Variants in FRMD3 observed in about 807,000 individuals in gnomAD.
The protein encoded by FRMD3 is FERM domain-containing protein 3.
FRMD3 carries 33 observed loss-of-function variants against 70.2 expected under a neutral mutation model. The observed-to-expected ratio is 0.47, with a 90% CI of 0.36 to 0.63. FRMD3 has a LOEUF of 0.63. Among genes scored for constraint, FRMD3 ranks in the 20% least tolerant of loss-of-function variants. The probability of loss-of-function intolerance (pLI) is 0.00; values close to 1 mark genes in which losing one functional copy is unlikely to be tolerated. For missense variants in FRMD3, 632 were observed against 711.4 expected (o/e 0.89, Z 1.27); for synonymous variants, 279 against 255.9 (o/e 1.09, Z -0.86).
chr9:83,269,644 G>A (rs562282426), intron 13 of FRMD3, among the ~76,000 whole-genome samples: 20 of 151,240 alleles, frequency 1.3e-4, no homozygotes, highest in Non-Finnish European at 2.4e-4. Flanking sequence ...GGGAGGCGGA[G>A]GTTGCAGCAA....
intron 3 of FRMD3, among the ~76,000 whole-genome samples, chr9:83,357,246 C>CATGGAATAT (rs1564032598): frequency 1.6e-4 from 1 of 6,314 alleles, no homozygotes; most frequent in Non-Finnish European, 2.4e-4. Context: ...ATAATACATA[C>CATGGAATAT]ATATATATAT....
chr9:83,488,811 T>A (rs888467088), intron 1 of FRMD3, among the ~76,000 whole-genome samples: 6 of 152,118 alleles, frequency 3.9e-5, no homozygotes, highest in Admixed American at 2.0e-4. Context: ...AGAGCATGAA[T>A]GATAAATGAC....
intron 1 of FRMD3, among the ~76,000 whole-genome samples, chr9:83,490,798 T>TCTCTCACACACACACA (rs752047493): frequency 9.5e-4 from 105 of 110,780 alleles, no homozygotes; most frequent in African/African-American, 3.8e-3. Flanking sequence ...TCTCTCTCTC[T>TCTCTCACACACACACA]CACACACACA....
At chr9:83,585,070 G>C in the FRMD3 span, among the ~76,000 whole-genome samples, 1 of 152,106 alleles carries the variant, frequency 6.6e-6, no homozygotes, top group East Asian at 1.9e-4. Flanking sequence ...GGAGCCTCTC[G>C]GGGAGACTGG....
intron 1 of FRMD3, among the ~76,000 whole-genome samples, chr9:83,492,781 C>A (rs1407066831): frequency 6.6e-6 from 1 of 152,202 alleles, no homozygotes; most frequent in Non-Finnish European, 1.5e-5. Context: ...GCCTCACCAG[C>A]AGCCTTCTGG....
intron 13 of FRMD3, among the ~76,000 whole-genome samples, chr9:83,271,332 C>T (rs1833543539): frequency 6.6e-6 from 1 of 152,114 alleles, no homozygotes; most frequent in Non-Finnish European, 1.5e-5. Flanking sequence ...TCAGGTTAGA[C>T]ATTAAGTATC....
At chr9:83,326,849 T>G (rs1836038805) in intron 6 of FRMD3, among the ~76,000 whole-genome samples, 1 of 152,236 alleles carries the variant, frequency 6.6e-6, no homozygotes, top group South Asian at 2.1e-4. Context: ...AAAGATAGGC[T>G]TTTCTAATAT....
At chr9:83,297,896 G>C (rs904490361) in intron 12 of FRMD3, 2 of 465,462 alleles carry the variant, frequency 4.3e-6, no homozygotes, top group African/African-American at 4.0e-5. Flanking sequence ...CTCCAGGCTG[G>C]CTTAGCCACA....
At chr9:83,365,411 T>C (rs1314704307) in intron 3 of FRMD3, among the ~76,000 whole-genome samples, 2 of 152,232 alleles carry the variant, frequency 1.3e-5, no homozygotes, top group African/African-American at 2.4e-5. Flanking sequence ...TTTTACTTGT[T>C]ATTGTTACTG....
At chr9:83,488,495 TG>T (rs1173747632) in intron 1 of FRMD3, among the ~76,000 whole-genome samples, 1 of 152,106 alleles carries the variant, frequency 6.6e-6, no homozygotes, top group African/African-American at 2.4e-5. Flanking sequence ...TTAGGACAGG[TG>T]GGATTACAAA....
At chr9:83,373,777 T>G (rs1213409785) in intron 2 of FRMD3, among the ~76,000 whole-genome samples, 1 of 152,154 alleles carries the variant, frequency 6.6e-6, no homozygotes. Context: ...GGGGGTGTCC[T>G]GGGGTACCCA....
At chr9:83,351,974 A>T (rs1824178280) in intron 3 of FRMD3, among the ~76,000 whole-genome samples, 1 of 152,162 alleles carries the variant, frequency 6.6e-6, no homozygotes, top group African/African-American at 2.4e-5. Flanking sequence ...TGTTTCTCTC[A>T]CTTTCCTCAC....
intron 10 of FRMD3, among the ~76,000 whole-genome samples, chr9:83,307,230 G>C (rs909326218): frequency 6.6e-6 from 1 of 152,194 alleles, no homozygotes; most frequent in African/African-American, 2.4e-5. Context: ...GAACAGAAGA[G>C]TTCCAAAAGC....
chr9:83,244,997 T>C lies in FRMD3; in HGVS notation c.*2921A>G. On this transcript the variant is annotated 3_prime_UTR_variant, in exon 14 of 14. Coordinates refer to ENST00000304195, the MANE Select transcript of FRMD3 (RefSeq NM_174938.6). ...GTGTGTGTGTATTATATATATTTAT[T>C]TATATCCACAAATGTACACTCAGTG... 5.1e-6 allele frequency: 5 copies of C among 983,274 alleles called. No homozygotes were observed. Among genetic ancestry groups the C allele is most frequent in the Non-Finnish European group, 6.0e-6 (5 of 827,982 alleles). The allele number at this position is 983,274 out of a possible 1,614,324, so 60.9% of individuals were successfully genotyped here.
chr9:83,500,185 G>T (rs1241117645), intron 1 of FRMD3, among the ~76,000 whole-genome samples: 1 of 151,938 alleles, frequency 6.6e-6, no homozygotes, highest in Admixed American at 6.6e-5. Context: ...TATTACATTT[G>T]TCAAAACCCA....
chr9:83,319,704 T>G lies in FRMD3; in HGVS notation c.597-5957A>C, dbSNP rs973192430. Among the ~76,000 whole-genome samples the G allele has an allele frequency of 2.0e-5, 3 of 152,142 alleles. No individual in the cohort carries two copies. In the East Asian group the frequency reaches 5.8e-4, roughly 29 times the overall value. On this transcript the variant is annotated intron_variant, in intron 6 of 13. Transcript: ENST00000304195. ...AACCCAGTGGGAGATGATTGAATCA[T>G]GGGGTGGGTCTTTCCCTTGCTGTTC...
At chr9:83,432,413 C>T (rs945670271) in intron 1 of FRMD3, among the ~76,000 whole-genome samples, 6 of 152,234 alleles carry the variant, frequency 3.9e-5, no homozygotes, top group Admixed American at 6.5e-5. Context: ...CTGGGTGGCC[C>T]GGGAGGAATG....
intron 13 of FRMD3, among the ~76,000 whole-genome samples, chr9:83,251,977 C>T (rs962201361): frequency 1.3e-5 from 2 of 152,152 alleles, no homozygotes; most frequent in Non-Finnish European, 2.9e-5. Context: ...GAGAACTTCC[C>T]CAACCTAGCA....
chr9:83,282,942 C>A (rs761627846), intron 13 of FRMD3, among the ~76,000 whole-genome samples: 1 of 152,060 alleles, frequency 6.6e-6, no homozygotes, highest in Admixed American at 6.6e-5. Flanking sequence ...AGCTTCCTTA[C>A]AACACAGTAA....
Sources: allele counts gnomAD v4.1 joint callset (sites outside exome capture counted in the v4.1 genomes callset), GRCh38; gene constraint gnomAD v4.1.1; transcripts MANE v1.5; gene names NCBI Gene and HGNC (gene_info 2026-07-23, HGNC 2026-07-21).